The following SAMD12 variants were observed in gnomAD, a reference collection of about 807,000 sequenced individuals.
SAMD12 encodes the protein sterile alpha motif domain-containing protein 12.
In SAMD12, 9 loss-of-function variants were observed where a neutral mutation model predicts 15.0. The observed-to-expected ratio is 0.60, with a 90% CI of 0.36 to 1.05. SAMD12 has a LOEUF of 1.05. Among genes scored for constraint, SAMD12 ranks in the 50% least tolerant of loss-of-function variants. The pLI, the probability that SAMD12 is intolerant of heterozygous loss-of-function variation, is 0.01. For missense variants in SAMD12, 230 were observed against 234.2 expected (o/e 0.98, Z 0.12); for synonymous variants, 86 against 90.1 (o/e 0.96, Z 0.25).
chr8:118,588,850 A>C (rs988520516), intron 1 of SAMD12, among the ~76,000 whole-genome samples: 1 of 152,182 alleles, frequency 6.6e-6, no homozygotes, highest in Non-Finnish European at 1.5e-5. Context: ...AATGAGCTAA[A>C]TTATGCTGAA....
intron 3 of SAMD12, among the ~76,000 whole-genome samples, chr8:118,436,108 T>C (rs1237322072): frequency 6.6e-5 from 10 of 151,022 alleles, no homozygotes; most frequent in Non-Finnish European, 1.2e-4. Flanking sequence ...TGTTGTGCTA[T>C]AGATGACCAT....
chr8:118,398,275 C>A (rs1820688945), intron 3 of SAMD12, among the ~76,000 whole-genome samples: 1 of 152,028 alleles, frequency 6.6e-6, no homozygotes, highest in Non-Finnish European at 1.5e-5. Context: ...GGCACATGCC[C>A]ATAATCCCAG....
chr8:118,309,378 A>ATGTGTGTGTG (rs1360473888), intron 4 of SAMD12, among the ~76,000 whole-genome samples: 13 of 118,312 alleles, frequency 1.1e-4, no homozygotes, highest in Non-Finnish European at 1.5e-4. Context: ...TTTGAGATAT[A>ATGTGTGTGTG]TATGTGTGTG....
At chr8:118,164,188 C>T in the SAMD12 span, among the ~76,000 whole-genome samples, 3 of 152,134 alleles carry the variant, frequency 2.0e-5, no homozygotes, top group African/African-American at 7.2e-5. Flanking sequence ...TGAGGAGACA[C>T]TTTCTATGAC....
intron 2 of SAMD12, among the ~76,000 whole-genome samples, chr8:118,550,134 C>T (rs1199169618): frequency 1.2e-3 from 186 of 152,134 alleles, no homozygotes; most frequent in African/African-American, 4.4e-3. Context: ...GCTTCCCCAA[C>T]CCAGCAAGGC....
chr8:118,431,721 T>C (rs28850989), intron 3 of SAMD12, among the ~76,000 whole-genome samples: 3 of 151,246 alleles, frequency 2.0e-5, no homozygotes, highest in African/African-American at 2.4e-5. Flanking sequence ...TGTGTGTGTG[T>C]GTGTGTGTTT....
intron 2 of SAMD12, among the ~76,000 whole-genome samples, chr8:118,533,396 C>T (rs1825743371): frequency 6.6e-6 from 1 of 152,182 alleles, no homozygotes; most frequent in Non-Finnish European, 1.5e-5. Context: ...TGATGTGGTG[C>T]TGAGAAGAAT....
rs532972414 is a variant in SAMD12, at chr8:118,455,843, C to T, written c.193-15882G>A. Among the ~76,000 whole-genome samples the T allele has an allele frequency of 5.3e-5, 4 of 75,468 alleles. No homozygotes were observed. In the South Asian group the frequency reaches 1.6e-3, roughly 29 times the overall value. 49.5% of individuals were successfully genotyped at this position (75,468 alleles called of 152,430 possible). On this transcript the variant is annotated intron_variant, in intron 2 of 3. Transcript: ENST00000314727. Reference sequence around the variant, plus strand: ...ATATATACATACATACATGTACATACAAGACTGTGGGGGTATACCCAGAAA... The same window carrying T: ...ATATATACATACATACATGTACATATAAGACTGTGGGGGTATACCCAGAAA...
chr8:118,229,035 T>C (rs991790948), intron 4 of SAMD12, among the ~76,000 whole-genome samples: 1 of 152,048 alleles, frequency 6.6e-6, no homozygotes. Context: ...AGTATGGAAA[T>C]GGAAAACCAA....
At chr8:118,590,500 G>A (rs1563600752) in intron 1 of SAMD12, among the ~76,000 whole-genome samples, 1 of 152,202 alleles carries the variant, frequency 6.6e-6, no homozygotes, top group Non-Finnish European at 1.5e-5. Context: ...TGTGTCAGAG[G>A]AAGTCTGGTA....
intron 4 of SAMD12, among the ~76,000 whole-genome samples, chr8:118,300,134 CA>C (rs1196163595): frequency 6.6e-6 from 1 of 152,000 alleles, no homozygotes; most frequent in Non-Finnish European, 1.5e-5. Flanking sequence ...GCATATCCAT[CA>C]CCTCAATCAT....
intron 2 of SAMD12, among the ~76,000 whole-genome samples, chr8:118,445,236 A>C (rs1411113976): frequency 6.6e-6 from 1 of 152,206 alleles, no homozygotes; most frequent in African/African-American, 2.4e-5. Flanking sequence ...CACCCAAAAA[A>C]GGTCACTAAA....
At chr8:118,287,421 G>T (rs997709388) in intron 4 of SAMD12, among the ~76,000 whole-genome samples, 2 of 152,158 alleles carry the variant, frequency 1.3e-5, no homozygotes, top group African/African-American at 4.8e-5. Context: ...CACCGCGCCC[G>T]GCCAGGAAGA....
At chr8:118,580,281 G>A (rs1827259039) in intron 2 of SAMD12, among the ~76,000 whole-genome samples, 1 of 152,110 alleles carries the variant, frequency 6.6e-6, no homozygotes. Context: ...ATGCAGTACT[G>A]GGGCTTTTAT....
At position 118,298,587 on chromosome 8, in the gene SAMD12, T is replaced by C. The variant is rs1461691265; in HGVS notation, c.433+80973A>G. 5.3e-5 allele frequency among the ~76,000 whole-genome samples: 8 copies of C among 152,328 alleles called. No homozygotes were observed. In the South Asian group the frequency reaches 1.7e-3, roughly 32 times the overall value. ...CTTTTTAAATACAGTTTGTTGTTTA[T>C]ACAATTTTGAATTGTTTACACACTT... On this transcript the variant is annotated intron_variant, in intron 4 of 4. Coordinates refer to the SAMD12 transcript ENST00000409003.
intron 4 of SAMD12, among the ~76,000 whole-genome samples, chr8:118,215,872 C>T (rs1282801906): frequency 6.6e-6 from 1 of 151,928 alleles, no homozygotes; most frequent in Non-Finnish European, 1.5e-5. Context: ...CATTGTTGGA[C>T]ATTTGGCTTG....
chr8:118,397,545 G>A (rs1349236703), intron 3 of SAMD12, among the ~76,000 whole-genome samples: 1 of 152,132 alleles, frequency 6.6e-6, no homozygotes, highest in Non-Finnish European at 1.5e-5. Flanking sequence ...CTCGATAACT[G>A]AGTTTTTCTC....
At chr8:118,179,842 A>G in the SAMD12 span, among the ~76,000 whole-genome samples, 2 of 152,308 alleles carry the variant, frequency 1.3e-5, no homozygotes, top group South Asian at 2.1e-4. Context: ...AATCTGGATT[A>G]CCCTTCATAC....
intron 2 of SAMD12, among the ~76,000 whole-genome samples, chr8:118,549,239 T>C (rs1826240181): frequency 6.6e-6 from 1 of 152,232 alleles, no homozygotes; most frequent in Admixed American, 6.5e-5. Context: ...AGTGGGTCCC[T>C]GACCCCTGAC....
Sources: allele counts gnomAD v4.1 joint callset (sites outside exome capture counted in the v4.1 genomes callset), GRCh38; gene constraint gnomAD v4.1.1; transcripts MANE v1.5; gene names NCBI Gene and HGNC (gene_info 2026-07-23, HGNC 2026-07-21).